The following GRM5 variants were observed in gnomAD, a reference collection of about 807,000 sequenced individuals.
The protein encoded by GRM5 is metabotropic glutamate receptor 5.
Under a neutral mutation model 83.1 loss-of-function variants are expected in GRM5, and 19 were observed. That is an observed-to-expected ratio of 0.23 (90% CI 0.16 to 0.34). The LOEUF (loss-of-function observed/expected upper bound fraction) is 0.34, where lower values mean the gene tolerates loss of function less well. Among genes scored for constraint, GRM5 ranks in the 10% least tolerant of loss-of-function variants. GRM5 has a pLI of 1.00. For synonymous variants in GRM5, 675 were observed against 633.6 expected (o/e 1.07, Z -0.98); for missense variants, 1,160 against 1,588.3 (o/e 0.73, Z 4.58).
intron 3 of GRM5, among the ~76,000 whole-genome samples, chr11:88,847,496 T>C (rs555206221): frequency 6.8e-4 from 103 of 152,232 alleles, no homozygotes; most frequent in African/African-American, 2.4e-3. Context: ...ACTAAGATAG[T>C]TGGAAGAAGT....
intron 2 of GRM5, among the ~76,000 whole-genome samples, chr11:88,899,088 G>A (rs1270951039): frequency 6.6e-6 from 1 of 151,846 alleles, no homozygotes; most frequent in Non-Finnish European, 1.5e-5. Flanking sequence ...GTTTCCGATT[G>A]TGATCTTTAG....
chr11:88,611,556 G>T (rs1938317317), intron 4 of GRM5, among the ~76,000 whole-genome samples: 2 of 152,136 alleles, frequency 1.3e-5, no homozygotes, highest in Non-Finnish European at 2.9e-5. Context: ...GGGGTCAGTT[G>T]TAATGTCCCT....
chr11:88,742,904 T>C (rs1391432869), intron 3 of GRM5, among the ~76,000 whole-genome samples: 1 of 152,178 alleles, frequency 6.6e-6, no homozygotes, highest in South Asian at 2.1e-4. Flanking sequence ...TCAGAATAGA[T>C]GAAGCAGAAA....
At chr11:88,531,076 C>T (rs952808906) in intron 8 of GRM5, among the ~76,000 whole-genome samples, 1 of 152,024 alleles carries the variant, frequency 6.6e-6, no homozygotes, top group East Asian at 1.9e-4. Flanking sequence ...AGAGGGATAA[C>T]TAGATTCCAT....
At chr11:88,570,673 G>T (rs1202244949) in intron 7 of GRM5, among the ~76,000 whole-genome samples, 1 of 141,184 alleles carries the variant, frequency 7.1e-6, no homozygotes, top group Admixed American at 7.4e-5. Context: ...TCTGCCTCCC[G>T]AGTTCAAGCG....
intron 2 of GRM5, among the ~76,000 whole-genome samples, chr11:89,013,430 C>T (rs563403355): frequency 6.6e-6 from 1 of 152,264 alleles, no homozygotes; most frequent in South Asian, 2.1e-4. Flanking sequence ...CCATGTATGG[C>T]TTGAATCAAG....
At chr11:88,863,459 C>T (rs147742568) in intron 2 of GRM5, among the ~76,000 whole-genome samples, 3,854 of 152,056 alleles carry the variant, frequency 0.025, 178 homozygotes, top group African/African-American at 0.089. Context: ...ATGTCCTTTG[C>T]AGGGACATGG....
At chr11:88,727,556 C>T (rs187140006) in intron 3 of GRM5, among the ~76,000 whole-genome samples, 26 of 152,244 alleles carry the variant, frequency 1.7e-4, no homozygotes, top group Non-Finnish European at 3.1e-4. Flanking sequence ...ATCTACAGAA[C>T]TCTCCTCCCC....
intron 9 of GRM5, among the ~76,000 whole-genome samples, chr11:88,522,587 C>T (rs561239287): frequency 9.1e-5 from 9 of 98,510 alleles, no homozygotes; most frequent in South Asian, 9.7e-4. Flanking sequence ...CTCTCTCTCT[C>T]GCTCTCTCTC....
intron 1 of GRM5, among the ~76,000 whole-genome samples, chr11:89,053,156 C>A (rs1230483285): frequency 6.6e-6 from 1 of 152,004 alleles, no homozygotes; most frequent in Non-Finnish European, 1.5e-5. Flanking sequence ...CATTAACGAG[C>A]ATTCCAGGGA....
chr11:88,595,815 C>T (rs1181692685), intron 6 of GRM5, among the ~76,000 whole-genome samples: 1 of 152,092 alleles, frequency 6.6e-6, no homozygotes, highest in African/African-American at 2.4e-5. Flanking sequence ...CTCTCTGTAC[C>T]TGTTGCTGCT....
intron 3 of GRM5, among the ~76,000 whole-genome samples, chr11:88,846,431 T>C (rs1240100476): frequency 6.6e-6 from 1 of 152,196 alleles, no homozygotes; most frequent in Non-Finnish European, 1.5e-5. Context: ...AGACAGCAGA[T>C]TACCCACAGC....
intron 4 of GRM5, among the ~76,000 whole-genome samples, chr11:88,639,116 A>G (rs1939219610): frequency 6.6e-6 from 1 of 151,998 alleles, no homozygotes; most frequent in Non-Finnish European, 1.5e-5. Flanking sequence ...TCCTTAAAAT[A>G]TTGTTTGAGG....
chr11:89,014,658 T>G (rs1940804750), intron 2 of GRM5, among the ~76,000 whole-genome samples: 1 of 152,148 alleles, frequency 6.6e-6, no homozygotes, highest in Non-Finnish European at 1.5e-5. Flanking sequence ...ATTGTATATT[T>G]TTAAATAACT....
chr11:89,053,958 A>G (rs1941816899), intron 1 of GRM5, among the ~76,000 whole-genome samples: 1 of 152,166 alleles, frequency 6.6e-6, no homozygotes, highest in Admixed American at 6.5e-5. Flanking sequence ...AATGCAGAGA[A>G]AGGAAGACAT....
At chr11:88,708,870 G>T (rs1007954804) in intron 3 of GRM5, among the ~76,000 whole-genome samples, 3 of 151,994 alleles carry the variant, frequency 2.0e-5, no homozygotes, top group Non-Finnish European at 4.4e-5. Flanking sequence ...ATTCCTAGGA[G>T]CCTAATACGA....
chr11:88,833,040 G>A (rs2135521871), intron 3 of GRM5, among the ~76,000 whole-genome samples: 1 of 152,074 alleles, frequency 6.6e-6, no homozygotes, highest in Non-Finnish European at 1.5e-5. Flanking sequence ...AACACTTGAG[G>A]ACATTGGGCT....
chr11:88,641,787 G>A (rs1474016716), intron 4 of GRM5, among the ~76,000 whole-genome samples: 1 of 152,174 alleles, frequency 6.6e-6, no homozygotes, highest in Non-Finnish European at 1.5e-5. Context: ...CCACGGCCTT[G>A]GGCAGCTCTG....
chr11:89,009,947 A>G, intron 2 of GRM5, among the ~76,000 whole-genome samples: 1 of 146,196 alleles, frequency 6.8e-6, no homozygotes, highest in Non-Finnish European at 1.5e-5. Context: ...CAAAATCAAA[A>G]TGTTTACAAT....
Sources: gnomAD v4.1 joint callset for allele counts (sites outside exome capture counted in the v4.1 genomes callset) on GRCh38, gnomAD v4.1.1 for gene constraint, MANE v1.5 for transcripts, NCBI Gene and HGNC (gene_info 2026-07-23, HGNC 2026-07-21) for gene names.